The following FKBP3 variants were observed in gnomAD, a reference collection of about 807,000 sequenced individuals.
The protein encoded by FKBP3 is peptidyl-prolyl cis-trans isomerase FKBP3.
FKBP3 carries 21 observed loss-of-function variants against 30.6 expected under a neutral mutation model. The observed-to-expected ratio is 0.69, with a 90% confidence interval of 0.49 to 0.99. The LOEUF is 0.99. FKBP3 is among the 50% of genes least tolerant of loss of function. The pLI, the probability that FKBP3 is intolerant of heterozygous loss-of-function variation, is 0.00. For missense variants in FKBP3, 283 were observed against 261.6 expected, an observed-to-expected ratio of 1.08 and a Z score of -0.56; for synonymous variants, 82 against 91.3, an observed-to-expected ratio of 0.90 and a Z score of 0.58.
At chr14:45,117,439 C>A (rs143190381) in intron 6 of FKBP3, among the ~76,000 whole-genome samples, 4 of 152,264 alleles carry the variant, frequency 2.6e-5, no homozygotes, top group African/African-American at 7.2e-5. Flanking sequence ...TCCCTCTTAC[C>A]TATTGGATTG....
rs1884856861 is a variant in FKBP3 at position 45,116,935 on chromosome 14, T to G, written c.621-683A>C. Among the ~76,000 whole-genome samples, 3 of 152,118 alleles carry G rather than the reference T, an allele frequency of 2.0e-5. No individual in the cohort carries two copies. The South Asian group carries it at 6.2e-4, about 32-fold the overall frequency. Reference sequence around the variant, plus strand: ...CATCAGATTGGTCTTGAGATGCTTCTTCACATGGGAGAGGGAGCTGCAGCT... The same window carrying G: ...CATCAGATTGGTCTTGAGATGCTTCGTCACATGGGAGAGGGAGCTGCAGCT... On this transcript the variant is annotated intron_variant, in intron 6 of 6. Coordinates refer to ENST00000396062, the MANE Select transcript of FKBP3 (RefSeq NM_002013.4).
At chr14:45,116,579 G>C (rs1884844212) in intron 6 of FKBP3, among the ~76,000 whole-genome samples, 2 of 152,042 alleles carry the variant, frequency 1.3e-5, no homozygotes, top group Non-Finnish European at 2.9e-5. Flanking sequence ...TTCAAGGCCA[G>C]GTACGGTAGC....
chr14:45,116,355 A>C (rs1280968537), intron 6 of FKBP3, 103 bp from the exon 7 acceptor site: 1 of 760,496 alleles, frequency 1.3e-6, no homozygotes, highest in Non-Finnish European at 2.3e-6. Context: ...AGATAAATTG[A>C]GCTTGGACTA....
chr14:45,131,063 C>T (rs1274301762), intron 1 of FKBP3: 1 of 244,610 alleles, frequency 4.1e-6, no homozygotes, highest in Non-Finnish European at 7.8e-6. Flanking sequence ...TTTTTCCTGT[C>T]AACACTCACA....
chr14:45,119,500 C>G (rs1884934355), intron 5 of FKBP3, among the ~76,000 whole-genome samples: 1 of 151,632 alleles, frequency 6.6e-6, no homozygotes. Context: ...ACTCAGGAGA[C>G]AGAGGTTGCA....
At chr14:45,116,963 C>T (rs909510773) in intron 6 of FKBP3, among the ~76,000 whole-genome samples, 2 of 151,858 alleles carry the variant, frequency 1.3e-5, no homozygotes, top group African/African-American at 4.8e-5. Context: ...CTGCAGCTGA[C>T]CATTTGATTT....
At chr14:45,133,849 T>C (rs926273113) in intron 1 of FKBP3, among the ~76,000 whole-genome samples, 2 of 152,228 alleles carry the variant, frequency 1.3e-5, no homozygotes, top group African/African-American at 2.4e-5. Flanking sequence ...AAATCAAAAC[T>C]TAAACCACAA....
At position 45,120,900 on chromosome 14, in the gene FKBP3, T is replaced by C. The variant is rs1408748639; in HGVS notation, c.509A>G (p.Lys170Arg). The C allele has an allele frequency of 1.9e-6, 3 of 1,613,126 alleles. No homozygotes were observed. The highest frequency in any genetic ancestry group is 2.5e-6 in the Non-Finnish European group (3 of 1,179,506). The stretch of plus-strand genomic sequence containing the variant: ...TTCTTTACTTACTCCTCTGATAACT[T>C]TGCCTACTCCGACCTTAAAACTTAA... ...KPLSFKVGVGKVIRGWDEALL... is the reference protein window; with the variant it reads ...KPLSFKVGVGRVIRGWDEALL... Residue 170 changes from lysine to arginine, a missense_variant, in exon 5 of 7, where the codon AAA becomes AGA. Coordinates refer to ENST00000396062, the MANE Select transcript of FKBP3 (RefSeq NM_002013.4).
At chr14:45,117,160 T>C (rs902222660) in intron 6 of FKBP3, among the ~76,000 whole-genome samples, 2 of 152,108 alleles carry the variant, frequency 1.3e-5, no homozygotes, top group South Asian at 2.1e-4. Flanking sequence ...TTAGTAGAGG[T>C]AGGGTTTCAC....
At chr14:45,125,466 G>A (rs1885076425) in intron 3 of FKBP3, among the ~76,000 whole-genome samples, 1 of 152,176 alleles carries the variant, frequency 6.6e-6, no homozygotes, top group Non-Finnish European at 1.5e-5. Context: ...TTTCGTTTGA[G>A]TACTTTTATA....
intron 1 of FKBP3, chr14:45,133,420 T>C: frequency 4.7e-6 from 1 of 214,320 alleles, no homozygotes; most frequent in Non-Finnish European, 1.0e-5. Flanking sequence ...TGAGCCGAGA[T>C]CGCGCCACTG....
chr14:45,130,943 CTTT>C (rs772564623), intron 1 of FKBP3, 143 bp from the exon 2 acceptor site: 3 of 487,950 alleles, frequency 6.1e-6, no homozygotes, highest in Middle Eastern at 5.1e-4. Flanking sequence ...AGTTTATACT[CTTT>C]GTTACAAAAA....
At position 45,123,681 on chromosome 14, in the gene FKBP3, C is replaced by T. The variant is rs145413470; in HGVS notation, c.319-2061G>A. On this transcript the variant is annotated intron_variant, in intron 3 of 6. Coordinates refer to ENST00000396062, the MANE Select transcript of FKBP3 (RefSeq NM_002013.4). ...CTAGGCTGGAGTGCAGTGGCATGAT[C>T]TCGGCTCATTGCAAGCTCTGCCTCC... Among the ~76,000 whole-genome samples, 942 of 121,944 alleles carry T rather than the reference C, an allele frequency of 7.7e-3. 10 individuals are homozygous for T. Among genetic ancestry groups the T allele is most frequent in the African/African-American group, 0.027 (875 of 32,650 alleles). 80.0% of individuals were successfully genotyped at this position (121,944 alleles called of 152,430 possible).
At chr14:45,131,591 T>A (rs759773244) in intron 1 of FKBP3, among the ~76,000 whole-genome samples, 1 of 133,126 alleles carries the variant, frequency 7.5e-6, no homozygotes. Context: ...ATCGCACCAC[T>A]GCATTCCAGC....
intron 3 of FKBP3, among the ~76,000 whole-genome samples, chr14:45,124,565 C>CT (rs1302101844): frequency 4.0e-5 from 6 of 148,524 alleles, no homozygotes; most frequent in Admixed American, 3.3e-4. Flanking sequence ...ATTTTTTTTT[C>CT]TTTTTTTAAG....
chr14:45,126,271 C>CTT lies in FKBP3; in HGVS notation c.318+3522_318+3523insAA, dbSNP rs1566706512. Among the ~76,000 whole-genome samples the CTT allele has an allele frequency of 4.7e-4, 71 of 151,660 alleles. No homozygotes were observed. The East Asian group carries it at 0.011, about 23-fold the overall frequency. ...TTGGGAGGCCGAGGTGGGTGGATCA[C>CTT]GAGGTCAGGAATTCGACAATAGCCT... On this transcript the variant is annotated intron_variant, in intron 3 of 6. Transcript: ENST00000396062.
At chr14:45,134,254 CG>C in intron 1 of FKBP3, 94 bp downstream of exon 1, 1 of 1,022,628 alleles carries the variant, frequency 9.8e-7, no homozygotes, top group Admixed American at 2.5e-5. Context: ...AAGACGAGGG[CG>C]GGGGCACAGA....
chr14:45,123,735 C>G (rs1885037755), intron 3 of FKBP3, among the ~76,000 whole-genome samples: 1 of 151,172 alleles, frequency 6.6e-6, no homozygotes, highest in Non-Finnish European at 1.5e-5. Flanking sequence ...CCGCCTCAGC[C>G]TCCCAAAGTA....
chr14:45,120,860 A>G, intron 5 of FKBP3, 27 bp downstream of exon 5: 10 of 1,564,012 alleles, frequency 6.4e-6, no homozygotes, highest in Non-Finnish European at 8.8e-6. Context: ...CAGAATATCT[A>G]CTGATTCATT....
Sources: gnomAD v4.1 joint callset for allele counts (sites outside exome capture counted in the v4.1 genomes callset) on GRCh38, gnomAD v4.1.1 for gene constraint, MANE v1.5 for transcripts, NCBI Gene and HGNC (gene_info 2026-07-23, HGNC 2026-07-21) for gene names.